The following MEOX2 variants were observed in gnomAD, a reference collection of about 807,000 sequenced individuals.
MEOX2 encodes homeobox protein MOX-2.
Under a neutral mutation model 27.0 loss-of-function variants are expected in MEOX2, and 11 were observed. The observed-to-expected ratio is 0.41, with a 90% CI of 0.26 to 0.68. MEOX2 has a LOEUF of 0.68. Ranked by LOEUF, MEOX2 falls within the 30% of genes least tolerant of loss-of-function variation. The probability of loss-of-function intolerance (pLI) is 0.33; values close to 1 mark genes in which losing one functional copy is unlikely to be tolerated. For synonymous variants in MEOX2, 189 were observed against 155.4 expected (o/e 1.22, Z -1.61); for missense variants, 436 against 385.4 (o/e 1.13, Z -1.10).
chr7:15,683,219 G>T (rs868476923), intron 1 of MEOX2, among the ~76,000 whole-genome samples: 14 of 152,060 alleles, frequency 9.2e-5, no homozygotes, highest in African/African-American at 3.4e-4. Flanking sequence ...ACGGTAATTA[G>T]AATTAGCACA....
At chr7:15,613,914 G>A (rs113998788) in intron 2 of MEOX2, among the ~76,000 whole-genome samples, 1,729 of 151,908 alleles carry the variant, frequency 0.011, 38 homozygotes, top group African/African-American at 0.039. Context: ...CATATCATGG[G>A]AACTTCCCTG....
At chr7:15,629,398 A>G (rs1781364550) in intron 1 of MEOX2, among the ~76,000 whole-genome samples, 1 of 152,146 alleles carries the variant, frequency 6.6e-6, no homozygotes, top group African/African-American at 2.4e-5. Flanking sequence ...CTGTAGTTCA[A>G]TATTTAAATC....
chr7:15,644,220 C>G (rs919233663), intron 1 of MEOX2, among the ~76,000 whole-genome samples: 1 of 152,078 alleles, frequency 6.6e-6, no homozygotes, highest in African/African-American at 2.4e-5. Flanking sequence ...CCAGTAAAGC[C>G]TTCTGGGCCT....
rs778960612 is a variant in MEOX2 at position 15,686,045 on chromosome 7, A to C, written c.358T>G (p.Leu120Val). 4 of 1,603,822 alleles carry C rather than the reference A, an allele frequency of 2.5e-6. No individual in the cohort carries two copies. The highest frequency in any genetic ancestry group is 3.4e-6 in the Non-Finnish European group (4 of 1,178,162). Residue 120 changes from leucine to valine, a missense_variant, in exon 1 of 3, where the codon TTG (leucine) becomes GTG (valine). Leu to Val is a conservative substitution (Grantham distance 32). Transcript: ENST00000262041. ...CACAGGACGGGCGGGCTGCTCCCCA[A>C]CTCTGGGGGCCCTCCAGAGTCGGGC... The part of the protein sequence containing the change: ...LQPDSGGPPE[L>V]GSSPPVLCSN...
intron 1 of MEOX2, among the ~76,000 whole-genome samples, chr7:15,629,499 T>G (rs1781366901): frequency 6.6e-6 from 1 of 152,062 alleles, no homozygotes; most frequent in Non-Finnish European, 1.5e-5. Flanking sequence ...TTGTGCACAC[T>G]CATATTTATA....
intron 1 of MEOX2, among the ~76,000 whole-genome samples, chr7:15,677,286 C>T (rs999590657): frequency 6.6e-6 from 1 of 152,136 alleles, no homozygotes; most frequent in African/African-American, 2.4e-5. Flanking sequence ...CTAAGCCAGA[C>T]ATTGTTCTAA....
intron 2 of MEOX2, among the ~76,000 whole-genome samples, chr7:15,623,859 T>C (rs1388457932): frequency 6.6e-6 from 1 of 152,266 alleles, no homozygotes; most frequent in Non-Finnish European, 1.5e-5. Context: ...TTTTTACCTC[T>C]TCTATGAATT....
At chr7:15,627,279 T>A (rs531999847) in intron 1 of MEOX2, among the ~76,000 whole-genome samples, 5 of 152,050 alleles carry the variant, frequency 3.3e-5, no homozygotes, top group Non-Finnish European at 7.4e-5. Context: ...GTACTTGAGG[T>A]CTAAGTAAGA....
At chr7:15,628,080 G>A (rs1239280809) in intron 1 of MEOX2, among the ~76,000 whole-genome samples, 2 of 151,992 alleles carry the variant, frequency 1.3e-5, no homozygotes, top group Non-Finnish European at 2.9e-5. Flanking sequence ...GTTTCAAAGA[G>A]TGACATTTTA....
intron 1 of MEOX2, among the ~76,000 whole-genome samples, chr7:15,643,256 G>C (rs1781591435): frequency 6.6e-6 from 1 of 152,164 alleles, no homozygotes; most frequent in African/African-American, 2.4e-5. Context: ...GTATTGGTAT[G>C]TCCCTGGTGA....
chr7:15,665,043 A>T (rs1442426768), intron 1 of MEOX2, among the ~76,000 whole-genome samples: 1 of 61,018 alleles, frequency 1.6e-5, no homozygotes, highest in Non-Finnish European at 4.1e-5. Context: ...AGTGGACATC[A>T]CACACACACA....
At chr7:15,633,755 T>A (rs1295747983) in intron 1 of MEOX2, among the ~76,000 whole-genome samples, 1 of 151,922 alleles carries the variant, frequency 6.6e-6, no homozygotes, top group Non-Finnish European at 1.5e-5. Context: ...TTTATTTTCA[T>A]GTCTGCTTTG....
In MEOX2 at chr7:15,686,066, C is replaced by T; in HGVS notation, c.337G>A (p.Asp113Asn). 1 of 1,598,272 alleles carries T rather than the reference C, an allele frequency of 6.3e-7. No homozygotes were observed. Among genetic ancestry groups the T allele is most frequent in the Non-Finnish European group, 8.5e-7 (1 of 1,174,702 alleles). Residue 113 changes from aspartate (D) to asparagine (N), a missense_variant, in exon 1 of 3, where the codon GAC becomes AAC. Physicochemically the swap from Asp to Asn is conservative, Grantham distance 23 (BLOSUM62 1). Transcript: ENST00000262041. The part of the protein sequence containing the change: ...AARHSLCLQP[D>N]SGGPPELGSS... The stretch of plus-strand genomic sequence containing the variant: ...CCCAACTCTGGGGGCCCTCCAGAGT[C>T]GGGCTGGAGGCAGAGGCTGTGCCGA...
rs552817448 is a variant in MEOX2, at chr7:15,656,003, T to G, written c.518-29085A>C. ...CAATTTCTCCTATTAGTTCTATCAG[T>G]TTTTGTTTTATGTATTTTGAAGCTC... On this transcript the variant is annotated intron_variant, in intron 1 of 2. Transcript: ENST00000262041. Among the ~76,000 whole-genome samples, 28 of 151,900 alleles carry G rather than the reference T, an allele frequency of 1.8e-4. No homozygotes were observed. In the South Asian group the frequency reaches 4.1e-3, roughly 22 times the overall value.
At chr7:15,664,765 T>TTAG in intron 1 of MEOX2, among the ~76,000 whole-genome samples, 1 of 152,268 alleles carries the variant, frequency 6.6e-6, no homozygotes, top group East Asian at 1.9e-4. Context: ...ATTTCTTGGC[T>TTAG]TAGTCTCTGC....
intron 1 of MEOX2, among the ~76,000 whole-genome samples, chr7:15,667,490 T>G (rs559868554): frequency 1.3e-5 from 2 of 152,048 alleles, no homozygotes; most frequent in East Asian, 3.9e-4. Context: ...TCCAGAAACC[T>G]CAAGGTGTTC....
intron 1 of MEOX2, among the ~76,000 whole-genome samples, chr7:15,631,781 A>G (rs899996014): frequency 2.0e-5 from 3 of 151,810 alleles, no homozygotes; most frequent in African/African-American, 7.2e-5. Context: ...GATGCTTTAT[A>G]AAATCTATAT....
chr7:15,613,786 A>G (rs2115351620), intron 2 of MEOX2, among the ~76,000 whole-genome samples: 1 of 152,288 alleles, frequency 6.6e-6, no homozygotes, highest in South Asian at 2.1e-4. Context: ...ATTGTATAAT[A>G]TTCCAAATTC....
At chr7:15,622,572 A>T (rs940540987) in intron 2 of MEOX2, among the ~76,000 whole-genome samples, 1 of 152,194 alleles carries the variant, frequency 6.6e-6, no homozygotes, top group Non-Finnish European at 1.5e-5. Context: ...TGAAAAAAAT[A>T]AGTCTTAAAG....
Sources: allele counts gnomAD v4.1 joint callset (sites outside exome capture counted in the v4.1 genomes callset), GRCh38; gene constraint gnomAD v4.1.1; transcripts MANE v1.5; gene names NCBI Gene and HGNC (gene_info 2026-07-23, HGNC 2026-07-21).